Variants in NIPAL2 observed in about 807,000 individuals in gnomAD.
NIPAL2 encodes the protein NIPA-like protein 2.
NIPAL2 carries 43 observed loss-of-function variants against 48.9 expected under a neutral mutation model. The observed-to-expected ratio is 0.88, with a 90% confidence interval of 0.69 to 1.13. The LOEUF (loss-of-function observed/expected upper bound fraction) is 1.13. Ranked by LOEUF, NIPAL2 falls within the 50% of genes most tolerant of loss-of-function variation. NIPAL2 has a pLI of 0.00. For synonymous variants in NIPAL2, 167 were observed against 174.6 expected (o/e 0.96, Z 0.34); for missense variants, 446 against 461.4 (o/e 0.97, Z 0.31).
chr8:98,234,602 C>G (rs556079143), intron 4 of NIPAL2, among the ~76,000 whole-genome samples: 37 of 152,020 alleles, frequency 2.4e-4, no homozygotes, highest in Non-Finnish European at 5.1e-4. Flanking sequence ...GGCTGGAGTG[C>G]AGTGGTGCAA....
Position 98,211,731 on chromosome 8 carries a change from A to AGAG in NIPAL2, c.655+673_655+674insCTC, listed in dbSNP as rs57069248. Among the ~76,000 whole-genome samples, 244 of 96,094 alleles carry AGAG rather than the reference A, an allele frequency of 2.5e-3. 1 individual carries two copies. The South Asian group carries it at 0.028, about 11-fold the overall frequency. 63.0% of individuals were successfully genotyped at this position (96,094 alleles called of 152,430 possible). On this transcript the variant is annotated intron_variant, in intron 6 of 10. Transcript: ENST00000430223. ...ATGAGTGAGAGAGAGAGAGAGAGAG[A>AGAG]AAGTGTGTGTGTGTGTGTGTGTGTG...
intron 6 of NIPAL2, among the ~76,000 whole-genome samples, chr8:98,206,871 C>T (rs544967345): frequency 6.6e-6 from 1 of 152,082 alleles, no homozygotes; most frequent in African/African-American, 2.4e-5. Flanking sequence ...CAAAGAGGCC[C>T]TTACAATCAG....
At chr8:98,204,332 G>A (rs1810932679) in intron 7 of NIPAL2, among the ~76,000 whole-genome samples, 1 of 152,132 alleles carries the variant, frequency 6.6e-6, no homozygotes, top group Non-Finnish European at 1.5e-5. Context: ...CAATTAGACG[G>A]TATTTCTCAC....
In NIPAL2 at chr8:98,192,160, C is replaced by T. The variant is rs567280082; in HGVS notation, c.*818G>A. 1 of 152,278 alleles carries T rather than the reference C, an allele frequency of 6.6e-6. No individual in the cohort carries two copies. The highest frequency in any genetic ancestry group is 2.1e-4 in the South Asian group (1 of 4,826). The allele number at this position is 152,278 out of a possible 1,614,324, so 9.4% of individuals were successfully genotyped here. A position where few individuals can be genotyped will look rare whatever the true frequency, so the allele number is the denominator to read the frequency against. The stretch of plus-strand genomic sequence containing the variant: ...AATCATACAGCTGAAGAAAACATCA[C>T]CATTCTAGATTTTTATTAAAAAATA... On this transcript the variant is annotated 3_prime_UTR_variant, in exon 11 of 11. Transcript: ENST00000430223.
At chr8:98,200,786 T>C (rs71514980) in intron 8 of NIPAL2, among the ~76,000 whole-genome samples, 1 of 152,230 alleles carries the variant, frequency 6.6e-6, no homozygotes, top group Admixed American at 6.5e-5. Context: ...CCACCATTTG[T>C]TGTTTTTTCT....
Position 98,294,227 on chromosome 8 carries a change from T to TTCC in NIPAL2, c.-93_-91dup. ...CGCGAGGAGGCCGCGCCGCAGCCACTTCCTGCTCGGTGCCCGGGCGAGGCG... is the reference window on the plus strand; with the variant it reads ...CGCGAGGAGGCCGCGCCGCAGCCACTTCCTCCTGCTCGGTGCCCGGGCGAGGCG... On this transcript the variant is annotated 5_prime_UTR_variant, in exon 1 of 11. Transcript: ENST00000430223. 1 of 1,185,560 alleles carries TTCC rather than the reference T, an allele frequency of 8.4e-7. No homozygotes were observed. Among genetic ancestry groups the TTCC allele is most frequent in the Non-Finnish European group, 1.0e-6 (1 of 958,894 alleles). The allele number at this position is 1,185,560 out of a possible 1,614,324, so 73.4% of individuals were successfully genotyped here.
intron 7 of NIPAL2, among the ~76,000 whole-genome samples, chr8:98,203,575 C>T (rs980386061): frequency 2.0e-5 from 3 of 152,112 alleles, no homozygotes; most frequent in Non-Finnish European, 4.4e-5. Flanking sequence ...TGACATGCCA[C>T]GTGCCAAGAA....
chr8:98,249,548 C>A (rs1001235268), intron 3 of NIPAL2, among the ~76,000 whole-genome samples: 12 of 149,390 alleles, frequency 8.0e-5, no homozygotes, highest in African/African-American at 2.7e-4. Context: ...GACATGTATA[C>A]TTTAATTGAA....
intron 1 of NIPAL2, among the ~76,000 whole-genome samples, chr8:98,281,553 C>T (rs539867000): frequency 4.6e-5 from 7 of 152,066 alleles, no homozygotes; most frequent in Non-Finnish European, 1.0e-4. Flanking sequence ...TTCTCCATGA[C>T]GTGATTATTA....
chr8:98,293,316 C>T (rs1057311171), intron 1 of NIPAL2, among the ~76,000 whole-genome samples: 13 of 152,190 alleles, frequency 8.5e-5, no homozygotes, highest in African/African-American at 3.1e-4. Flanking sequence ...AGAACACTTC[C>T]TCATCTTAAA....
rs778846565 is a variant in NIPAL2, at chr8:98,252,528, T to C, written c.311A>G (p.Asn104Ser). 3.1e-6 allele frequency: 5 copies of C among 1,613,984 alleles called. No individual in the cohort carries two copies. Among genetic ancestry groups the C allele is most frequent in the Middle Eastern group, 3.3e-4 (2 of 6,042 alleles). The change falls in exon 3 of 11, where the codon AAC (asparagine) becomes AGC (serine). Residue 104 changes from asparagine (N) to serine (S), a missense_variant. Transcript: ENST00000430223. ...GGGAGCAAATCCATAGGCTGCAAAG[T>C]TCCCCGTCTCTCCCACGGCCATCAG... ...VLLMAVGETG[N>S]FAAYGFAPIT...
intron 5 of NIPAL2, among the ~76,000 whole-genome samples, chr8:98,214,541 A>G (rs1235849659): frequency 1.3e-5 from 2 of 151,816 alleles, no homozygotes; most frequent in Non-Finnish European, 2.9e-5. Flanking sequence ...AACAGCAGAC[A>G]GTACCATCAC....
chr8:98,276,970 C>T (rs541356684), intron 1 of NIPAL2, among the ~76,000 whole-genome samples: 1 of 151,844 alleles, frequency 6.6e-6, no homozygotes, highest in East Asian at 1.9e-4. Context: ...GGGTTTCACC[C>T]TGTTGGCCAG....
intron 2 of NIPAL2, 66 bp from the exon 3 acceptor site, chr8:98,252,700 C>T: frequency 7.4e-7 from 1 of 1,355,924 alleles, no homozygotes; most frequent in Non-Finnish European, 1.0e-6. Flanking sequence ...CACTTTTTTT[C>T]TTTTGTATTC....
chr8:98,248,251 A>T (rs925190494), intron 3 of NIPAL2, among the ~76,000 whole-genome samples: 1 of 152,246 alleles, frequency 6.6e-6, no homozygotes, highest in Non-Finnish European at 1.5e-5. Flanking sequence ...AGATGAGAAC[A>T]ATAAAAAGCC....
At chr8:98,260,550 C>A (rs181778283) in intron 1 of NIPAL2, among the ~76,000 whole-genome samples, 1 of 152,180 alleles carries the variant, frequency 6.6e-6, no homozygotes. Context: ...CACTCCAACC[C>A]GAATACTGCG....
intron 5 of NIPAL2, among the ~76,000 whole-genome samples, chr8:98,219,468 T>C (rs1028122947): frequency 9.2e-5 from 14 of 152,034 alleles, no homozygotes; most frequent in African/African-American, 3.1e-4. Flanking sequence ...GGACAGAGGT[T>C]CCAGAAGATG....
intron 1 of NIPAL2, among the ~76,000 whole-genome samples, chr8:98,288,726 T>C (rs935912793): frequency 6.6e-6 from 1 of 152,090 alleles, no homozygotes; most frequent in Non-Finnish European, 1.5e-5. Context: ...TTTTAATGAT[T>C]GCCATTCTAA....
At chr8:98,266,938 C>T (rs769371671) in intron 1 of NIPAL2, among the ~76,000 whole-genome samples, 2 of 151,790 alleles carry the variant, frequency 1.3e-5, no homozygotes, top group African/African-American at 2.4e-5. Context: ...TTATCTGTAT[C>T]TAAAATGACA....
Sources: allele counts gnomAD v4.1 joint callset (sites outside exome capture counted in the v4.1 genomes callset), GRCh38; gene constraint gnomAD v4.1.1; transcripts MANE v1.5; gene names NCBI Gene and HGNC (gene_info 2026-07-23, HGNC 2026-07-21).